Variants in CHD6 observed in about 807,000 individuals in gnomAD.
The protein encoded by CHD6 is ATP-dependent chromatin remodeler CHD6.
Under a neutral mutation model 276.9 loss-of-function variants are expected in CHD6, and 50 were observed. The observed-to-expected ratio is 0.18, with a 90% CI of 0.14 to 0.23. The LOEUF is 0.23. CHD6 is among the 10% of genes least tolerant of loss of function. The pLI, the probability that CHD6 is intolerant of heterozygous loss-of-function variation, is 1.00. For missense variants in CHD6, 2,564 were observed against 3,365.8 expected (o/e 0.76, Z 5.89); for synonymous variants, 1,173 against 1,229.3 (o/e 0.95, Z 0.96).
chr20:41,558,839 AC>A (rs1472109674), intron 1 of CHD6, among the ~76,000 whole-genome samples: 2 of 151,242 alleles, frequency 1.3e-5, no homozygotes, highest in Non-Finnish European at 2.9e-5. Context: ...AGAAAACAGC[AC>A]CCCCACCTCC....
intron 12 of CHD6, among the ~76,000 whole-genome samples, chr20:41,489,256 T>C (rs371345722): frequency 9.2e-5 from 14 of 152,190 alleles, no homozygotes; most frequent in African/African-American, 3.4e-4. Context: ...ACCTTAATTA[T>C]AAAAACCAAT....
intron 11 of CHD6, among the ~76,000 whole-genome samples, chr20:41,491,383 G>T (rs573552680): frequency 6.8e-6 from 1 of 147,830 alleles, no homozygotes. Context: ...TTTGGTTAAG[G>T]ATTTAGAAAT....
chr20:41,459,666 G>A (rs900552092), intron 17 of CHD6, among the ~76,000 whole-genome samples: 1 of 152,246 alleles, frequency 6.6e-6, no homozygotes, highest in Non-Finnish European at 1.5e-5. Flanking sequence ...CCGCCGCCAT[G>A]TAAGAACAGC....
rs1600887531 is a variant in CHD6 at position 41,450,264 on chromosome 20, C to T, written c.3683+682G>A. Among the ~76,000 whole-genome samples the T allele has an allele frequency of 2.0e-5, 3 of 152,064 alleles. No homozygotes were observed. In the East Asian group the frequency reaches 5.8e-4, roughly 29 times the overall value. On this transcript the variant is annotated intron_variant, in intron 23 of 36. Coordinates refer to ENST00000373233, the MANE Select transcript of CHD6 (RefSeq NM_032221.5). The stretch of plus-strand genomic sequence containing the variant: ...TTACCAGAGGTGTGCGACCGGAGGC[C>T]CTCACACTGCCTACCAGGAATGCTG...
intron 26 of CHD6, among the ~76,000 whole-genome samples, chr20:41,439,705 A>G (rs1055200191): frequency 4.6e-5 from 7 of 152,202 alleles, no homozygotes; most frequent in African/African-American, 1.7e-4. Context: ...CTGACCAGAC[A>G]AGGGATGGAC....
At chr20:41,479,557 A>G (rs968609259) in intron 16 of CHD6, among the ~76,000 whole-genome samples, 2 of 152,140 alleles carry the variant, frequency 1.3e-5, no homozygotes, top group Admixed American at 1.3e-4. Context: ...AGTGAACCTA[A>G]AATTCTAATA....
intron 1 of CHD6, among the ~76,000 whole-genome samples, chr20:41,610,763 AT>A (rs2045879050): frequency 5.7e-5 from 1 of 17,418 alleles, no homozygotes; most frequent in Non-Finnish European, 3.5e-4. Flanking sequence ...GTCTCAAAAA[AT>A]AAATAAATAA....
intron 9 of CHD6, 44 bp downstream of exon 9, chr20:41,493,814 A>G: frequency 1.3e-6 from 2 of 1,582,006 alleles, no homozygotes; most frequent in Non-Finnish European, 1.7e-6. Flanking sequence ...CAAGTGAAAT[A>G]CGTGGAAAGA....
intron 7 of CHD6, 154 bp from the exon 8 acceptor site, chr20:41,497,655 T>C: frequency 3.0e-6 from 2 of 659,462 alleles, no homozygotes; most frequent in South Asian, 1.7e-5. Context: ...GACCTTCCCC[T>C]TAAGGGCAAC....
intron 5 of CHD6, among the ~76,000 whole-genome samples, chr20:41,503,078 C>G (rs2043876487): frequency 6.6e-6 from 1 of 152,130 alleles, no homozygotes; most frequent in Non-Finnish European, 1.5e-5. Context: ...TTTAGGTCTT[C>G]TTTTTCATAG....
chr20:41,513,051 C>A, intron 4 of CHD6, 56 bp from the exon 5 acceptor site: 2 of 1,582,598 alleles, frequency 1.3e-6, no homozygotes, highest in Non-Finnish European at 1.7e-6. Context: ...CAACAGCCTA[C>A]ACAAGAATAC....
chr20:41,420,714 G>C lies in CHD6; in HGVS notation c.5921C>G (p.Thr1974Ser), dbSNP rs1490646462. ...IPDLFKSKTNTIAMEGEPTAI... is the reference protein window; with the variant it reads ...IPDLFKSKTNSIAMEGEPTAI... ...AGTGGGTTCACCCTCCATGGCGATA[G>C]TATTGGTTTTACTTTTGAACAGATC... Residue 1974 changes from threonine (T) to serine (S), a missense_variant, in exon 31 of 37, where the codon ACT (threonine) becomes AGT (serine). Transcript: ENST00000373233. The C allele has an allele frequency of 6.2e-7, 1 of 1,614,110 alleles. No individual in the cohort carries two copies. Among genetic ancestry groups the C allele is most frequent in the Non-Finnish European group, 8.5e-7 (1 of 1,180,046 alleles).
At chr20:41,527,132 C>A (rs2044558918) in intron 3 of CHD6, among the ~76,000 whole-genome samples, 1 of 152,156 alleles carries the variant, frequency 6.6e-6, no homozygotes. Context: ...AACTCAAGAC[C>A]CTAGCTTTTA....
chr20:41,415,150 G>GT, intron 34 of CHD6, 36 bp downstream of exon 34: 4 of 1,572,226 alleles, frequency 2.5e-6, no homozygotes, highest in Non-Finnish European at 3.5e-6. Flanking sequence ...AGTGTAGAAA[G>GT]GTAAATGTTT....
chr20:41,498,867 G>GTC (rs973952805), intron 6 of CHD6, among the ~76,000 whole-genome samples: 2 of 151,280 alleles, frequency 1.3e-5, no homozygotes, highest in African/African-American at 4.9e-5. Context: ...TAGAGAAAGG[G>GTC]TCTCACTATA....
intron 17 of CHD6, among the ~76,000 whole-genome samples, chr20:41,470,853 T>C (rs2043036425): frequency 6.6e-6 from 1 of 152,252 alleles, no homozygotes; most frequent in Non-Finnish European, 1.5e-5. Flanking sequence ...TTCCAAAATG[T>C]TTGCCTCTGG....
chr20:41,578,445 G>C (rs1038835366), intron 1 of CHD6, among the ~76,000 whole-genome samples: 4 of 152,132 alleles, frequency 2.6e-5, no homozygotes, highest in African/African-American at 9.7e-5. Flanking sequence ...TTATTAACAA[G>C]ATGAAAGTTT....
At chr20:41,456,054 T>C in intron 18 of CHD6, 75 bp from the exon 19 acceptor site, 2 of 1,373,178 alleles carry the variant, frequency 1.5e-6, no homozygotes, top group East Asian at 2.4e-5. Flanking sequence ...CTGGTTTTTG[T>C]GATTCAGTGC....
chr20:41,551,212 T>G, intron 2 of CHD6, 93 bp downstream of exon 2: 1 of 817,516 alleles, frequency 1.2e-6, no homozygotes, highest in South Asian at 1.4e-5. Context: ...TACCAGAGAT[T>G]AAGGGATAAG....
Sources: gnomAD v4.1 joint callset for allele counts (sites outside exome capture counted in the v4.1 genomes callset) on GRCh38, gnomAD v4.1.1 for gene constraint, MANE v1.5 for transcripts, NCBI Gene and HGNC (gene_info 2026-07-23, HGNC 2026-07-21) for gene names.